SRGAP2: variants seen among roughly 807,000 people sequenced by gnomAD.
SRGAP2 encodes SLIT-ROBO Rho GTPase-activating protein 2.
SRGAP2 carries 15 observed loss-of-function variants against 57.2 expected under a neutral mutation model. The ratio of observed to expected loss-of-function variants is 0.26; its 90% confidence interval spans 0.18 to 0.40. The LOEUF (loss-of-function observed/expected upper bound fraction) is 0.40, where lower values mean the gene tolerates loss of function less well. Among genes scored for constraint, SRGAP2 ranks in the 10% least tolerant of loss-of-function variants. The probability of loss-of-function intolerance (pLI) is 1.00; values close to 1 mark genes in which losing one functional copy is unlikely to be tolerated. For missense variants in SRGAP2, 520 were observed against 669.6 expected, an observed-to-expected ratio of 0.78 and a Z score of 2.47; for synonymous variants, 249 against 248.0, an observed-to-expected ratio of 1.00 and a Z score of -0.04.
intron 4 of SRGAP2, among the ~76,000 whole-genome samples, chr1:206,371,730 C>G (rs1553342673): frequency 1.2e-5 from 1 of 83,730 alleles, no homozygotes; most frequent in Non-Finnish European, 2.0e-5. Flanking sequence ...GACTCCGTCT[C>G]CAAAAAAAAA....
chr1:206,445,367 T>C (rs969870438), intron 17 of SRGAP2, among the ~76,000 whole-genome samples: 1 of 152,084 alleles, frequency 6.6e-6, no homozygotes, highest in Admixed American at 6.5e-5. Flanking sequence ...TACCCGAGAA[T>C]GAAGTCAGCC....
intron 10 of SRGAP2, among the ~76,000 whole-genome samples, chr1:206,414,013 C>CTTTTCT (rs1553360462): frequency 1.3e-5 from 2 of 149,964 alleles, no homozygotes; most frequent in African/African-American, 4.9e-5. Context: ...CATTTGTTCA[C>CTTTTCT]TTTTCTTTTC....
intron 10 of SRGAP2, among the ~76,000 whole-genome samples, chr1:206,413,971 T>A (rs1394657993): frequency 2.6e-5 from 4 of 152,088 alleles, no homozygotes; most frequent in Non-Finnish European, 4.4e-5. Context: ...AAGTTCACAC[T>A]GTACAGAAAA....
chr1:206,376,844 G>A (rs1655252063), intron 4 of SRGAP2, among the ~76,000 whole-genome samples: 1 of 149,914 alleles, frequency 6.7e-6, no homozygotes, highest in South Asian at 2.1e-4. Flanking sequence ...ATAACCAAAG[G>A]GAGCTCATTG....
At position 206,298,718 on chromosome 1, in the gene SRGAP2, C is replaced by CT. The variant is rs1243724089; in HGVS notation, c.68-4562dup. ...AATTGGGTTCCTCTTGCAAGGGAAG[C>CT]TGCAATTTTTATTCAAGTGTCATTT... On this transcript the variant is annotated intron_variant, in intron 2 of 22. Coordinates refer to ENST00000573034, the MANE Select transcript of SRGAP2 (RefSeq NM_015326.5). Among the ~76,000 whole-genome samples, 5 of 152,196 alleles carry CT rather than the reference C, an allele frequency of 3.3e-5. No homozygotes were observed. In the East Asian group the frequency reaches 9.6e-4, roughly 29 times the overall value.
intron 2 of SRGAP2, among the ~76,000 whole-genome samples, chr1:206,258,653 T>TAAAA (rs529770002): frequency 0.01 from 1,222 of 116,898 alleles, 6 homozygotes; most frequent in Middle Eastern, 0.022. Context: ...ATTTAGGAGG[T>TAAAA]AAAAAATCAG....
chr1:206,257,897 G>A (rs532902617), intron 2 of SRGAP2, among the ~76,000 whole-genome samples: 64 of 149,492 alleles, frequency 4.3e-4, no homozygotes, highest in African/African-American at 1.4e-3. Flanking sequence ...AGGCCTCTCT[G>A]AGGAGGTGAT....
At chr1:206,227,367 C>T (rs1667339852) in intron 2 of SRGAP2, among the ~76,000 whole-genome samples, 1 of 152,208 alleles carries the variant, frequency 6.6e-6, no homozygotes, top group Non-Finnish European at 1.5e-5. Context: ...ATTATTTGTG[C>T]CATCATCTGC....
chr1:206,327,190 G>C (rs1382062873), intron 3 of SRGAP2, among the ~76,000 whole-genome samples: 1 of 152,134 alleles, frequency 6.6e-6, no homozygotes, highest in East Asian at 1.9e-4. Context: ...AGCCGGGCAT[G>C]GTGGCACATG....
At chr1:206,361,097 A>G (rs540294058) in intron 4 of SRGAP2, among the ~76,000 whole-genome samples, 1,769 of 81,760 alleles carry the variant, frequency 0.022, 42 homozygotes, top group Middle Eastern at 0.096. Context: ...AATGGGCAAA[A>G]GGAAAATGAG....
chr1:206,278,023 T>G (rs1670518067), intron 2 of SRGAP2, among the ~76,000 whole-genome samples: 1 of 152,036 alleles, frequency 6.6e-6, no homozygotes, highest in Admixed American at 6.6e-5. Context: ...GCTTTTTTTC[T>G]TTTAGCCACT....
intron 17 of SRGAP2, 48 bp downstream of exon 17, chr1:206,440,129 A>G (rs369454528): frequency 2.6e-6 from 2 of 770,120 alleles, no homozygotes; most frequent in South Asian, 2.7e-5. Context: ...TGGCTTGGGC[A>G]CTGGAAGTTC....
At chr1:206,277,241 A>G (rs1238632578) in intron 2 of SRGAP2, among the ~76,000 whole-genome samples, 5 of 134,122 alleles carry the variant, frequency 3.7e-5, no homozygotes, top group Non-Finnish European at 6.3e-5. Flanking sequence ...CAGTCTGGCT[A>G]TTGGATAAAT....
chr1:206,453,800 C>A lies in SRGAP2; in HGVS notation c.2360+420C>A, dbSNP rs1663565957. On this transcript the variant is annotated intron_variant, in intron 20 of 22. Coordinates refer to ENST00000573034, the MANE Select transcript of SRGAP2 (RefSeq NM_015326.5). The stretch of plus-strand genomic sequence containing the variant: ...ACTATGCTCACCCCAACCTGTTGAG[C>A]CACTCTTCCACTTGCAAATTAAAAT... The A allele has an allele frequency of 1.3e-5, 4 of 299,952 alleles. No homozygotes were observed. The South Asian group carries it at 4.7e-4, about 35-fold the overall frequency. The allele number at this position is 299,952 out of a possible 1,614,324, so 18.6% of individuals were successfully genotyped here.
rs556235386 is a variant in SRGAP2, at chr1:206,374,109, C to T, written c.424-9905C>T. 3.0e-4 allele frequency among the ~76,000 whole-genome samples: 44 copies of T among 148,586 alleles called. No individual in the cohort carries two copies. The East Asian group carries it at 7.4e-3, about 25-fold the overall frequency. On this transcript the variant is annotated intron_variant, in intron 4 of 22. Coordinates refer to ENST00000573034, the MANE Select transcript of SRGAP2 (RefSeq NM_015326.5). ...GTGGGATTTCGGCTCACTGCAAGCT[C>T]CGCCTCCCGGGTTCACGCCATTCTC...
chr1:206,341,625 A>G (rs1358131789), intron 3 of SRGAP2, among the ~76,000 whole-genome samples: 10 of 151,816 alleles, frequency 6.6e-5, no homozygotes, highest in African/African-American at 2.4e-4. Context: ...CAACTTCCAA[A>G]TGTAGAACTT....
chr1:206,443,470 G>A (rs1349199219), intron 17 of SRGAP2, among the ~76,000 whole-genome samples: 2 of 152,178 alleles, frequency 1.3e-5, no homozygotes, highest in African/African-American at 2.4e-5. Context: ...TGCCTCCCAG[G>A]TTCAAGCGAT....
In SRGAP2 at chr1:206,422,432, C is replaced by T. The variant is rs190706780; in HGVS notation, c.1494+1158C>T. Among the ~76,000 whole-genome samples the T allele has an allele frequency of 4.2e-3, 639 of 152,286 alleles. 5 individuals carry two copies. In the Middle Eastern group the frequency reaches 0.044, roughly 11 times the overall value. ...TCTCCTCCCTCTTTTTCCTCTATTT[C>T]TTTCTTCCTCCTCTTTCTTCCATAA... On this transcript the variant is annotated intron_variant, in intron 13 of 22. Coordinates refer to ENST00000573034, the MANE Select transcript of SRGAP2 (RefSeq NM_015326.5).
intron 1 of SRGAP2, 180 bp downstream of exon 1, chr1:206,203,830 A>G (rs1553300058): frequency 1.2e-5 from 18 of 1,524,822 alleles, no homozygotes; most frequent in Non-Finnish European, 1.4e-5. Context: ...ATCTCCCAGT[A>G]CAGCCCATAA....
Sources: gnomAD v4.1 joint callset for allele counts (sites outside exome capture counted in the v4.1 genomes callset) on GRCh38, gnomAD v4.1.1 for gene constraint, MANE v1.5 for transcripts, NCBI Gene and HGNC (gene_info 2026-07-23, HGNC 2026-07-21) for gene names.